The following TSHR variants were observed in gnomAD, a reference collection of about 807,000 sequenced individuals.
TSHR encodes thyroid stimulating hormone receptor.
In TSHR, 51 loss-of-function variants were observed where a neutral mutation model predicts 64.1. The observed-to-expected ratio is 0.80, with a 90% CI of 0.64 to 1.01. The LOEUF is 1.01. Among genes scored for constraint, TSHR ranks in the 50% least tolerant of loss-of-function variants. The pLI is 0.00. For synonymous variants in TSHR, 361 were observed against 361.9 expected (o/e 1.00, Z 0.03); for missense variants, 877 against 942.8 (o/e 0.93, Z 0.91).
intron 1 of TSHR, among the ~76,000 whole-genome samples, chr14:80,968,907 T>C (rs930208409): frequency 6.6e-6 from 1 of 152,144 alleles, no homozygotes; most frequent in African/African-American, 2.4e-5. Flanking sequence ...CATTATAGTA[T>C]CAACCTCCCT....
At chr14:81,005,491 C>T (rs1301259227) in intron 1 of TSHR, among the ~76,000 whole-genome samples, 1 of 152,002 alleles carries the variant, frequency 6.6e-6, no homozygotes, top group African/African-American at 2.4e-5. Context: ...ATTTTGGAGA[C>T]CTGCCATAAA....
intron 1 of TSHR, among the ~76,000 whole-genome samples, chr14:81,054,977 G>A (rs1024188423): frequency 6.6e-6 from 1 of 152,162 alleles, no homozygotes; most frequent in African/African-American, 2.4e-5. Flanking sequence ...TGGGAAAAAT[G>A]TCTCCAGGGC....
chr14:81,139,793 C>T lies in TSHR; in HGVS notation c.807C>T (p.Phe269=), dbSNP rs2140102464. 1 of 1,614,224 alleles carries T rather than the reference C, an allele frequency of 6.2e-7. No homozygotes were observed. Among genetic ancestry groups the T allele is most frequent in the Non-Finnish European group, 8.5e-7 (1 of 1,180,036 alleles). The change falls in exon 9 of 10, where the codon TTC becomes TTT. Residue 269 remains phenylalanine (F), a synonymous_variant. Transcript: ENST00000298171. The stretch of plus-strand genomic sequence containing the variant: ...AGAAACTTCCACTTTCCTTGAGTTT[C>T]CTTCACCTCACACGGGCTGACCTTT... The part of the protein sequence containing the change: ...TLKKLPLSLS[F]LHLTRADLSY...
chr14:81,057,146 C>T (rs1885868409), intron 1 of TSHR, among the ~76,000 whole-genome samples: 1 of 152,172 alleles, frequency 6.6e-6, no homozygotes, highest in South Asian at 2.1e-4. Context: ...TGCAGTGGCT[C>T]ACACCTGTAA....
At chr14:81,003,830 T>A (rs1889462628) in intron 1 of TSHR, among the ~76,000 whole-genome samples, 1 of 152,176 alleles carries the variant, frequency 6.6e-6, no homozygotes, top group African/African-American at 2.4e-5. Flanking sequence ...ACACTTCACC[T>A]ATTAGCTTAG....
intron 2 of TSHR, among the ~76,000 whole-genome samples, chr14:81,067,954 T>TATATATATATA (rs1886769798): frequency 7.2e-6 from 1 of 139,338 alleles, no homozygotes; most frequent in African/African-American, 2.8e-5. Context: ...TATATATATA[T>TATATATATATA]CGCTAAATAT....
intron 1 of TSHR, among the ~76,000 whole-genome samples, chr14:81,056,970 T>C (rs1279787514): frequency 6.6e-6 from 1 of 152,232 alleles, no homozygotes; most frequent in Non-Finnish European, 1.5e-5. Context: ...TAAAAAATAG[T>C]CTATATGCAA....
At chr14:80,974,170 AC>A (rs1337335665) in intron 1 of TSHR, among the ~76,000 whole-genome samples, 1 of 152,022 alleles carries the variant, frequency 6.6e-6, no homozygotes, top group Non-Finnish European at 1.5e-5. Context: ...GCCTGATTTA[AC>A]CCTCGGTGTG....
chr14:81,088,839 T>C (rs1458378778), intron 4 of TSHR, among the ~76,000 whole-genome samples: 2 of 152,152 alleles, frequency 1.3e-5, no homozygotes, highest in Non-Finnish European at 2.9e-5. Context: ...ATCATAGATA[T>C]TTTATGAGAT....
intron 1 of TSHR, chr14:81,001,334 A>G (rs1385327469): frequency 3.4e-6 from 1 of 295,482 alleles, no homozygotes; most frequent in African/African-American, 2.2e-5. Flanking sequence ...GTTTAGGAAA[A>G]ATTTGTTCCT....
chr14:81,039,468 A>G (rs972675001), intron 1 of TSHR, among the ~76,000 whole-genome samples: 5 of 151,866 alleles, frequency 3.3e-5, no homozygotes, highest in Admixed American at 6.6e-5. Flanking sequence ...TCATCTACCC[A>G]GAGCAATTAG....
intron 8 of TSHR, among the ~76,000 whole-genome samples, chr14:81,118,649 C>G (rs139087053): frequency 0.067 from 10,222 of 152,050 alleles, 870 homozygotes; most frequent in East Asian, 0.23. Context: ...CTACCAATGA[C>G]TTTCGTCACA....
At position 81,093,886 on chromosome 14, in the gene TSHR, A is replaced by G. The variant is rs564256556; in HGVS notation, c.545+1278A>G. 2.0e-5 allele frequency: 3 copies of G among 152,306 alleles called. No individual in the cohort carries two copies. The South Asian group carries it at 6.2e-4, about 32-fold the overall frequency. The allele number at this position is 152,306 out of a possible 1,614,324, so 9.4% of individuals were successfully genotyped here. A position where few individuals can be genotyped will look rare whatever the true frequency, so the allele number is the denominator to read the frequency against. On this transcript the variant is annotated intron_variant, in intron 6 of 9. Coordinates refer to ENST00000298171, the MANE Select transcript of TSHR (RefSeq NM_000369.5). ...CATTGCGCCATATAGTGCTCATCAT[A>G]AGGAAACTCCTACATGCTAAACTTC...
chr14:80,965,275 A>C (rs1887244243), intron 1 of TSHR, among the ~76,000 whole-genome samples: 2 of 152,180 alleles, frequency 1.3e-5, no homozygotes, highest in African/African-American at 4.8e-5. Context: ...GTTTGCCAAC[A>C]TTCTGCATTT....
intron 1 of TSHR, among the ~76,000 whole-genome samples, chr14:80,956,573 A>G (rs1886704573): frequency 6.6e-6 from 1 of 152,250 alleles, no homozygotes; most frequent in African/African-American, 2.4e-5. Context: ...ATCAGTGATC[A>G]TTGAAATTGT....
At chr14:81,111,998 T>C (rs546353482) in intron 8 of TSHR, among the ~76,000 whole-genome samples, 1 of 152,166 alleles carries the variant, frequency 6.6e-6, no homozygotes, top group Non-Finnish European at 1.5e-5. Flanking sequence ...AAGTTGTTTT[T>C]TATATTTATG....
intron 1 of TSHR, chr14:81,013,529 A>G (rs1032999395): frequency 1.3e-5 from 2 of 152,212 alleles, no homozygotes; most frequent in African/African-American, 4.8e-5. Context: ...ATGATAAACT[A>G]CAAAGATAAA....
chr14:81,011,816 C>T (rs934542540), intron 1 of TSHR, among the ~76,000 whole-genome samples: 3 of 151,932 alleles, frequency 2.0e-5, no homozygotes, highest in South Asian at 2.1e-4. Flanking sequence ...GCCGAGATCG[C>T]GCCACTGCAC....
intron 1 of TSHR, among the ~76,000 whole-genome samples, chr14:80,974,585 G>A (rs1305093672): frequency 6.6e-6 from 1 of 152,178 alleles, no homozygotes; most frequent in African/African-American, 2.4e-5. Context: ...AAAGCCAGAA[G>A]CTCTGAAATG....
Sources: gnomAD v4.1 joint callset for allele counts (sites outside exome capture counted in the v4.1 genomes callset) on GRCh38, gnomAD v4.1.1 for gene constraint, MANE v1.5 for transcripts, NCBI Gene and HGNC (gene_info 2026-07-23, HGNC 2026-07-21) for gene names.